Variants in TAFA1 observed in about 807,000 individuals in gnomAD.
The protein encoded by TAFA1 is TAFA chemokine like family member 1, also known as chemokine-like protein TAFA-1.
TAFA1 carries 4 observed loss-of-function variants against 18.5 expected under a neutral mutation model. That is an observed-to-expected ratio of 0.22 (90% CI 0.11 to 0.49). The LOEUF is 0.49. Among genes scored for constraint, TAFA1 ranks in the 20% least tolerant of loss-of-function variants. TAFA1 has a pLI of 0.98. For missense variants in TAFA1, 147 were observed against 169.0 expected (o/e 0.87, Z 0.72); for synonymous variants, 56 against 55.2 (o/e 1.01, Z -0.06).
chr3:68,254,647 G>A (rs1304352730), intron 2 of TAFA1, among the ~76,000 whole-genome samples: 6 of 151,946 alleles, frequency 3.9e-5, no homozygotes, highest in Non-Finnish European at 1.5e-5. Flanking sequence ...TAAAGATAAA[G>A]GTAAGGTAAA....
upstream of TAFA1, among the ~76,000 whole-genome samples, chr3:67,999,423 C>T (rs1704260666): frequency 6.6e-6 from 1 of 152,156 alleles, no homozygotes; most frequent in Non-Finnish European, 1.5e-5. Flanking sequence ...GAGTAAGCCT[C>T]TTCCCCTTTC....
intron 2 of TAFA1, among the ~76,000 whole-genome samples, chr3:68,076,354 T>A (rs1443479362): frequency 2.0e-5 from 3 of 151,920 alleles, no homozygotes; most frequent in Non-Finnish European, 2.9e-5. Context: ...ATGTGCACAT[T>A]GTGCAGGTTA....
At chr3:68,274,183 CCAAATTCAAACTA>C (rs1214566802) in intron 2 of TAFA1, among the ~76,000 whole-genome samples, 1 of 152,090 alleles carries the variant, frequency 6.6e-6, no homozygotes, top group Admixed American at 6.6e-5. Context: ...ATTTCCAATT[CCAAATTCAAACTA>C]CAAATTTCAT....
At chr3:68,375,049 G>A (rs2069782323) in intron 2 of TAFA1, among the ~76,000 whole-genome samples, 4 of 151,802 alleles carry the variant, frequency 2.6e-5, no homozygotes, top group Admixed American at 2.6e-4. Context: ...AATTTATCTG[G>A]TGCTGATTTA....
chr3:68,399,752 T>C (rs2070453049), intron 2 of TAFA1, among the ~76,000 whole-genome samples: 1 of 152,176 alleles, frequency 6.6e-6, no homozygotes, highest in Non-Finnish European at 1.5e-5. Context: ...TCATATCTAC[T>C]CAATGAGGTA....
chr3:68,087,971 A>G (rs776412836), intron 2 of TAFA1, among the ~76,000 whole-genome samples: 3 of 152,216 alleles, frequency 2.0e-5, no homozygotes, highest in Non-Finnish European at 4.4e-5. Flanking sequence ...TGGGACTACA[A>G]CCATGTTAGA....
chr3:68,293,858 T>A (rs1308098726), intron 2 of TAFA1, among the ~76,000 whole-genome samples: 1 of 152,148 alleles, frequency 6.6e-6, no homozygotes, highest in Non-Finnish European at 1.5e-5. Flanking sequence ...GAGGGACTGC[T>A]CCGTCTATCC....
At chr3:68,454,871 C>A (rs2106905779) in intron 3 of TAFA1, among the ~76,000 whole-genome samples, 1 of 151,970 alleles carries the variant, frequency 6.6e-6, no homozygotes, top group South Asian at 2.1e-4. Flanking sequence ...TTTTAATTGA[C>A]AAATAAATGT....
chr3:68,535,326 A>G (rs1057198725), intron 3 of TAFA1, among the ~76,000 whole-genome samples: 2 of 152,044 alleles, frequency 1.3e-5, no homozygotes, highest in African/African-American at 4.8e-5. Context: ...ACCCATGACA[A>G]GAATCTTCCT....
chr3:68,046,323 A>G (rs1306382079), intron 2 of TAFA1, among the ~76,000 whole-genome samples: 1 of 152,192 alleles, frequency 6.6e-6, no homozygotes, highest in Non-Finnish European at 1.5e-5. Flanking sequence ...AAAATAATTT[A>G]TCCTTAAAGC....
chr3:68,346,033 C>G (rs762199234), intron 2 of TAFA1, among the ~76,000 whole-genome samples: 17 of 152,094 alleles, frequency 1.1e-4, no homozygotes, highest in Non-Finnish European at 1.9e-4. Context: ...TACACTGTTT[C>G]CTTGGGACCT....
At chr3:68,081,571 C>T (rs372751365) in intron 2 of TAFA1, among the ~76,000 whole-genome samples, 8 of 152,182 alleles carry the variant, frequency 5.3e-5, no homozygotes, top group African/African-American at 9.6e-5. Flanking sequence ...AATACCCTGC[C>T]GTGTAAGGTG....
chr3:68,473,431 A>T (rs2072037465), intron 3 of TAFA1, among the ~76,000 whole-genome samples: 1 of 152,170 alleles, frequency 6.6e-6, no homozygotes, highest in Admixed American at 6.5e-5. Context: ...TAGTTGCATA[A>T]CTTGCTACAT....
At chr3:68,158,349 G>GC (rs1269948348) in intron 2 of TAFA1, among the ~76,000 whole-genome samples, 1 of 152,054 alleles carries the variant, frequency 6.6e-6, no homozygotes, top group Non-Finnish European at 1.5e-5. Flanking sequence ...AATGTGTGCA[G>GC]CATACGGTAT....
chr3:68,405,519 C>T (rs555638002), intron 2 of TAFA1, among the ~76,000 whole-genome samples: 5 of 149,092 alleles, frequency 3.4e-5, no homozygotes, highest in Admixed American at 6.7e-5. Flanking sequence ...CAAAGGGAGA[C>T]GCCCATCTCT....
chr3:68,272,848 T>C (rs2067701725), intron 2 of TAFA1, among the ~76,000 whole-genome samples: 2 of 152,186 alleles, frequency 1.3e-5, no homozygotes, highest in South Asian at 4.1e-4. Flanking sequence ...GCATTTCTTT[T>C]AATACCTGTA....
At chr3:68,111,216 G>T (rs923046887) in intron 2 of TAFA1, among the ~76,000 whole-genome samples, 1 of 152,140 alleles carries the variant, frequency 6.6e-6, no homozygotes, top group South Asian at 2.1e-4. Context: ...ACCACATTTT[G>T]GGTAGGTGCA....
At chr3:68,316,758 A>G (rs997829988) in intron 2 of TAFA1, among the ~76,000 whole-genome samples, 8 of 152,184 alleles carry the variant, frequency 5.3e-5, no homozygotes, top group African/African-American at 1.7e-4. Context: ...GTAGGTCTCA[A>G]TGAATAGGTG....
chr3:68,447,051 A>C (rs1021606310), intron 3 of TAFA1, among the ~76,000 whole-genome samples: 25 of 152,296 alleles, frequency 1.6e-4, no homozygotes, highest in African/African-American at 5.8e-4. Context: ...TGCTGTCACC[A>C]TTTGGAAAAG....
Sources: gnomAD v4.1 joint callset for allele counts (sites outside exome capture counted in the v4.1 genomes callset) on GRCh38, gnomAD v4.1.1 for gene constraint, MANE v1.5 for transcripts, NCBI Gene and HGNC (gene_info 2026-07-23, HGNC 2026-07-21) for gene names.